DIP2C: variants seen among roughly 807,000 people sequenced by gnomAD.
DIP2C encodes disco-interacting protein 2 homolog C.
DIP2C carries 33 observed loss-of-function variants against 192.4 expected under a neutral mutation model. The observed-to-expected ratio is 0.17, with a 90% CI of 0.13 to 0.23. The LOEUF is 0.23. Among genes scored for constraint, DIP2C ranks in the 10% least tolerant of loss-of-function variants. The pLI is 1.00. For missense variants in DIP2C, 1,537 were observed against 2,110.1 expected (o/e 0.73, Z 5.32); for synonymous variants, 979 against 864.1 (o/e 1.13, Z -2.33).
intron 4 of DIP2C, among the ~76,000 whole-genome samples, chr10:426,989 T>C (rs976163902): frequency 2.6e-5 from 4 of 152,216 alleles, no homozygotes; most frequent in African/African-American, 4.8e-5. Flanking sequence ...ATTAGTAAAC[T>C]GGACTTCATT....
rs753154681 is a variant in DIP2C at position 277,273 on chromosome 10, G to A, written c.*52C>T. 3.8e-5 allele frequency: 61 copies of A among 1,596,968 alleles called. No individual in the cohort carries two copies. Among genetic ancestry groups the A allele is most frequent in the Middle Eastern group, 1.7e-4 (1 of 6,042 alleles). Reference sequence around the variant, plus strand: ...TGTGTCTGCACGCTTCAGTGGACACGGAGAACAATGTCTACATCTCTAGAA... The same window carrying A: ...TGTGTCTGCACGCTTCAGTGGACACAGAGAACAATGTCTACATCTCTAGAA... On this transcript the variant is annotated 3_prime_UTR_variant, in exon 37 of 37. Coordinates refer to ENST00000280886, the MANE Select transcript of DIP2C (RefSeq NM_014974.3).
chr10:545,120 T>A (rs990788148), intron 1 of DIP2C, among the ~76,000 whole-genome samples: 89 of 149,272 alleles, frequency 6.0e-4, no homozygotes, highest in African/African-American at 2.1e-3. Context: ...TTAGGTCCCA[T>A]AAGATCTTAA....
intron 36 of DIP2C, 75 bp downstream of exon 36, chr10:281,124 GC>G (rs1363196450): frequency 6.3e-7 from 1 of 1,579,746 alleles, no homozygotes; most frequent in Non-Finnish European, 8.7e-7. Context: ...CTCCTCCACC[GC>G]CGTGCTCTCC....
intron 29 of DIP2C, among the ~76,000 whole-genome samples, chr10:332,003 C>A (rs989314236): frequency 2.0e-5 from 3 of 152,104 alleles, no homozygotes; most frequent in African/African-American, 7.2e-5. Flanking sequence ...CTCACTGTAG[C>A]CCTGACCTCA....
chr10:459,149 A>G (rs1055216283), intron 3 of DIP2C, among the ~76,000 whole-genome samples: 2 of 152,190 alleles, frequency 1.3e-5, no homozygotes, highest in East Asian at 1.9e-4. Context: ...AAAACTTTTT[A>G]AAAAACAAGA....
intron 17 of DIP2C, among the ~76,000 whole-genome samples, chr10:372,641 A>C (rs768987441): frequency 6.6e-6 from 1 of 151,346 alleles, no homozygotes; most frequent in African/African-American, 2.5e-5. Context: ...TTCCTTGCAG[A>C]TGTGCAAGAC....
intron 4 of DIP2C, among the ~76,000 whole-genome samples, chr10:423,660 C>T (rs181720196): frequency 6.3e-4 from 96 of 151,980 alleles, no homozygotes; most frequent in African/African-American, 2.2e-3. Flanking sequence ...TGTTAGATAC[C>T]GATGCACCTG....
intron 36 of DIP2C, 49 bp from the exon 37 acceptor site, chr10:277,626 T>C (rs1954582232): frequency 1.9e-6 from 3 of 1,597,724 alleles, no homozygotes; most frequent in Non-Finnish European, 1.7e-6. Flanking sequence ...TAATGCTTTA[T>C]TTAATAGCCG....
chr10:456,784 A>G (rs1156811020), intron 3 of DIP2C, among the ~76,000 whole-genome samples: 1 of 152,112 alleles, frequency 6.6e-6, no homozygotes, highest in Non-Finnish European at 1.5e-5. Flanking sequence ...TTTTTGTTCC[A>G]CCGTTTCGTT....
intron 14 of DIP2C, among the ~76,000 whole-genome samples, chr10:386,820 G>T (rs894414088): frequency 3.7e-4 from 56 of 152,154 alleles, no homozygotes; most frequent in African/African-American, 1.2e-3. Flanking sequence ...AAAGAAAAAT[G>T]AGTGAAAATT....
intron 4 of DIP2C, among the ~76,000 whole-genome samples, chr10:425,816 G>A (rs1966560754): frequency 6.6e-6 from 1 of 152,192 alleles, no homozygotes; most frequent in Admixed American, 6.5e-5. Context: ...GAAAAGTACT[G>A]ACAAACTCAA....
intron 1 of DIP2C, among the ~76,000 whole-genome samples, chr10:540,926 G>A (rs961131708): frequency 1.3e-5 from 2 of 152,206 alleles, no homozygotes; most frequent in African/African-American, 2.4e-5. Flanking sequence ...GCCGTGATAG[G>A]ACAAACACAT....
chr10:414,124 ATACAAGAGGT>A lies in DIP2C; in HGVS notation c.860-24_860-15del, dbSNP rs750547939. 3.6e-5 allele frequency: 58 copies of A among 1,605,292 alleles called. No homozygotes were observed. The Admixed American group carries it at 9.3e-4, about 26-fold the overall frequency. ...CCGGTTGTTGAACTAAATCGTTTGA[ATACAAGAGGT>A]TACAAGAGAAATGCATCCACATTAG... On this transcript the variant is annotated splice_polypyrimidine_tract_variant and intron_variant, in intron 7 of 36. Transcript: ENST00000280886.
chr10:325,480 G>A lies in DIP2C; in HGVS notation c.3924+1526C>T, dbSNP rs991932020. ...ATTTTAAGAGACAAAGCCAGAAGCA[G>A]CAGCCTCGCCATGGCCAGTGCCATC... On this transcript the variant is annotated intron_variant, in intron 31 of 36. Coordinates refer to ENST00000280886, the MANE Select transcript of DIP2C (RefSeq NM_014974.3). Among the ~76,000 whole-genome samples the A allele has an allele frequency of 2.6e-5, 4 of 152,156 alleles. No individual in the cohort carries two copies. In the East Asian group the frequency reaches 7.7e-4, roughly 29 times the overall value.
chr10:644,529 C>G (rs962918890), intron 1 of DIP2C, among the ~76,000 whole-genome samples: 6 of 152,404 alleles, frequency 3.9e-5, no homozygotes, highest in African/African-American at 1.4e-4. Context: ...CGCCGTAGAG[C>G]CACACGGGTT....
chr10:495,003 A>G lies in DIP2C; in HGVS notation c.86-8473T>C, dbSNP rs59327937. On this transcript the variant is annotated intron_variant, in intron 1 of 36. Coordinates refer to ENST00000280886, the MANE Select transcript of DIP2C (RefSeq NM_014974.3). ...TGACCTACGCATCCATCAGTGGATG[A>G]ACAGAGAAATCATGGTGTATGGACA... Among the ~76,000 whole-genome samples the G allele has an allele frequency of 9.4e-3, 1,425 of 152,346 alleles. 26 individuals carry two copies. Among genetic ancestry groups the G allele is most frequent in the African/African-American group, 0.033 (1,377 of 41,578 alleles).
intron 1 of DIP2C, among the ~76,000 whole-genome samples, chr10:542,994 C>G (rs553982396): frequency 4.6e-5 from 7 of 152,320 alleles, no homozygotes; most frequent in African/African-American, 1.7e-4. Context: ...TCCTCAGCAC[C>G]AGGAAAAGTC....
intron 1 of DIP2C, among the ~76,000 whole-genome samples, chr10:538,434 C>T (rs966084555): frequency 1.3e-5 from 2 of 152,220 alleles, no homozygotes; most frequent in Admixed American, 6.5e-5. Context: ...GAACTATAGG[C>T]ATGAGGCATG....
chr10:326,954 C>T, intron 31 of DIP2C, 52 bp downstream of exon 31: 1 of 1,574,544 alleles, frequency 6.4e-7, no homozygotes, highest in Admixed American at 1.7e-5. Flanking sequence ...GTGCTGTACC[C>T]ACCCCGGGAG....
Sources: gnomAD v4.1 joint callset for allele counts (sites outside exome capture counted in the v4.1 genomes callset) on GRCh38, gnomAD v4.1.1 for gene constraint, MANE v1.5 for transcripts, NCBI Gene and HGNC (gene_info 2026-07-23, HGNC 2026-07-21) for gene names.